Variants in FRMD4A observed in about 807,000 individuals in gnomAD.
FRMD4A encodes FERM domain-containing protein 4A.
Under a neutral mutation model 129.1 loss-of-function variants are expected in FRMD4A, and 29 were observed. That is an observed-to-expected ratio of 0.22 (90% CI 0.17 to 0.31). The LOEUF (loss-of-function observed/expected upper bound fraction) is 0.31, where lower values mean the gene tolerates loss of function less well. FRMD4A is among the 10% of genes least tolerant of loss of function. The pLI is 1.00. For synonymous variants in FRMD4A, 634 were observed against 571.6 expected (o/e 1.11, Z -1.56); for missense variants, 1,272 against 1,375.8 (o/e 0.92, Z 1.19).
chr10:14,002,648 G>A (rs1258507090), intron 2 of FRMD4A, among the ~76,000 whole-genome samples: 2 of 152,174 alleles, frequency 1.3e-5, no homozygotes, highest in Non-Finnish European at 2.9e-5. Context: ...CCATCGTACG[G>A]AGGATTATGA....
At chr10:14,320,657 G>A (rs559195807) in intron 2 of FRMD4A, among the ~76,000 whole-genome samples, 1 of 152,282 alleles carries the variant, frequency 6.6e-6, no homozygotes, top group Admixed American at 6.5e-5. Flanking sequence ...TGTGACCTAA[G>A]CATTTTCAGT....
chr10:13,827,722 G>C (rs1044716252), intron 3 of FRMD4A, among the ~76,000 whole-genome samples: 8 of 152,158 alleles, frequency 5.3e-5, no homozygotes, highest in African/African-American at 1.7e-4. Context: ...CGGAGGTTCC[G>C]GCAGTCTGTA....
At chr10:13,763,102 C>T (rs973896492) in intron 6 of FRMD4A, among the ~76,000 whole-genome samples, 5 of 152,134 alleles carry the variant, frequency 3.3e-5, no homozygotes, top group Admixed American at 6.6e-5. Flanking sequence ...TAAACACTCC[C>T]AACATCGTTT....
chr10:14,112,922 A>G (rs930162455), intron 2 of FRMD4A, among the ~76,000 whole-genome samples: 1 of 152,090 alleles, frequency 6.6e-6, no homozygotes, highest in Non-Finnish European at 1.5e-5. Flanking sequence ...TTACAGTGAC[A>G]GACAAAGAGG....
chr10:13,908,448 A>G (rs1421992126), intron 2 of FRMD4A, among the ~76,000 whole-genome samples: 1 of 152,240 alleles, frequency 6.6e-6, no homozygotes, highest in Non-Finnish European at 1.5e-5. Flanking sequence ...ACTTTACAGA[A>G]ATGCAGCTAG....
intron 2 of FRMD4A, among the ~76,000 whole-genome samples, chr10:14,260,024 A>G (rs1292576338): frequency 3.5e-5 from 1 of 28,766 alleles, no homozygotes; most frequent in Non-Finnish European, 7.2e-5. Flanking sequence ...TAGAAATGGC[A>G]AAAAAAAAAA....
chr10:13,891,472 A>T lies in FRMD4A; in HGVS notation c.46-32560T>A, dbSNP rs193050738. 2.3e-3 allele frequency among the ~76,000 whole-genome samples: 346 copies of T among 152,152 alleles called. 1 individual carries two copies. Among genetic ancestry groups the T allele is most frequent in the Admixed American group, 5.0e-3 (77 of 15,292 alleles). On this transcript the variant is annotated intron_variant, in intron 2 of 24. Transcript: ENST00000357447. ...CCCCACGTGGGATTTGCATTTAAAA[A>T]CTGTAACATACGCGAAATAAACGAC...
At chr10:13,858,495 A>T (rs1282886426) in intron 3 of FRMD4A, among the ~76,000 whole-genome samples, 1 of 152,242 alleles carries the variant, frequency 6.6e-6, no homozygotes, top group African/African-American at 2.4e-5. Context: ...ATCCCCTCTG[A>T]GCAAGGAAGA....
intron 2 of FRMD4A, among the ~76,000 whole-genome samples, chr10:14,246,613 A>C (rs1029846436): frequency 1.3e-5 from 2 of 152,222 alleles, no homozygotes; most frequent in Non-Finnish European, 2.9e-5. Context: ...ATATGTGCGC[A>C]CACACACGCA....
chr10:13,757,250 C>G (rs2091902959), intron 8 of FRMD4A, among the ~76,000 whole-genome samples: 1 of 152,226 alleles, frequency 6.6e-6, no homozygotes. Flanking sequence ...TACTGACTTC[C>G]TGATTGTCGA....
intron 2 of FRMD4A, among the ~76,000 whole-genome samples, chr10:13,962,821 T>C (rs1158541010): frequency 6.6e-6 from 1 of 152,204 alleles, no homozygotes; most frequent in East Asian, 1.9e-4. Context: ...TGGTGGCTGA[T>C]GCAAAAACTG....
At chr10:13,789,045 C>T (rs2092932827) in intron 5 of FRMD4A, among the ~76,000 whole-genome samples, 1 of 152,160 alleles carries the variant, frequency 6.6e-6, no homozygotes, top group Non-Finnish European at 1.5e-5. Context: ...TTGTAATGAA[C>T]ACAAATGTCA....
chr10:14,006,472 G>A (rs1462640528), intron 2 of FRMD4A, among the ~76,000 whole-genome samples: 1 of 152,162 alleles, frequency 6.6e-6, no homozygotes, highest in East Asian at 1.9e-4. Flanking sequence ...AGTGGTAACT[G>A]CCTATATTTG....
At chr10:13,667,977 T>C (rs994617313) in intron 17 of FRMD4A, 3 of 152,348 alleles carry the variant, frequency 2.0e-5, no homozygotes, top group South Asian at 2.1e-4. Context: ...AATTGTTTGC[T>C]AGAATCAACA....
intron 24 of FRMD4A, chr10:13,651,689 T>TG (rs774023128): frequency 1.8e-6 from 1 of 568,858 alleles, no homozygotes; most frequent in Non-Finnish European, 3.1e-6. Flanking sequence ...AAACATACTC[T>TG]GGGGGTCTTT....
rs2080967411 is a variant in FRMD4A at position 13,644,006 on chromosome 10, A to G, written c.*3032T>C. The stretch of plus-strand genomic sequence containing the variant: ...AACTATTGACATTAATGTATATGTA[A>G]AACTTTACACCTAGTTAACTAAGCA... On this transcript the variant is annotated 3_prime_UTR_variant, in exon 25 of 25. Coordinates refer to ENST00000357447, the MANE Select transcript of FRMD4A (RefSeq NM_018027.5). 1 of 152,628 alleles carries G rather than the reference A, an allele frequency of 6.6e-6. No homozygotes were observed. The highest frequency in any genetic ancestry group is 2.4e-5 in the African/African-American group (1 of 41,434). 9.5% of individuals were successfully genotyped at this position (152,628 alleles called of 1,614,324 possible). A position where few individuals can be genotyped will look rare whatever the true frequency, so the allele number is the denominator to read the frequency against.
At chr10:14,037,138 T>C (rs1293485460) in intron 2 of FRMD4A, among the ~76,000 whole-genome samples, 1 of 152,234 alleles carries the variant, frequency 6.6e-6, no homozygotes, top group African/African-American at 2.4e-5. Flanking sequence ...TTGGTGATTA[T>C]ATATACACAC....
intron 2 of FRMD4A, among the ~76,000 whole-genome samples, chr10:13,867,750 TATATAATATATAATATAATATG>T (rs2094390214): frequency 1.6e-5 from 2 of 123,474 alleles, no homozygotes; most frequent in Non-Finnish European, 3.2e-5. Flanking sequence ...TATAATATAA[TATATAATATATAATATAATATG>T]ATATATAATA....
chr10:13,806,426 A>C (rs973836411), intron 4 of FRMD4A, among the ~76,000 whole-genome samples: 2 of 152,208 alleles, frequency 1.3e-5, no homozygotes, highest in Admixed American at 1.3e-4. Flanking sequence ...CTATTTGTAC[A>C]CCTGGAAACA....
Sources: gnomAD v4.1 joint callset for allele counts (sites outside exome capture counted in the v4.1 genomes callset) on GRCh38, gnomAD v4.1.1 for gene constraint, MANE v1.5 for transcripts, NCBI Gene and HGNC (gene_info 2026-07-23, HGNC 2026-07-21) for gene names.